Variants in CTNNA2 observed in about 807,000 individuals in gnomAD.
The protein encoded by CTNNA2 is catenin alpha-2.
A neutral mutation model predicts 101.0 loss-of-function variants in CTNNA2; 42 were observed. That is an observed-to-expected ratio of 0.42 (90% CI 0.32 to 0.54). The LOEUF (loss-of-function observed/expected upper bound fraction) is 0.54, where lower values mean the gene tolerates loss of function less well. Among genes scored for constraint, CTNNA2 ranks in the 20% least tolerant of loss-of-function variants. CTNNA2 has a pLI of 0.14. For synonymous variants in CTNNA2, 450 were observed against 456.4 expected, an observed-to-expected ratio of 0.99 and a Z score of 0.18; for missense variants, 871 against 1,223.1, an observed-to-expected ratio of 0.71 and a Z score of 4.29.
At chr2:79,291,868 T>C (rs1003661790) in intron 2 of CTNNA2, among the ~76,000 whole-genome samples, 2 of 152,206 alleles carry the variant, frequency 1.3e-5, no homozygotes, top group African/African-American at 4.8e-5. Flanking sequence ...TGCATTTCCA[T>C]GGTTTCTATT....
intron 2 of CTNNA2, among the ~76,000 whole-genome samples, chr2:79,266,506 C>A (rs918246233): frequency 1.5e-4 from 23 of 152,272 alleles, no homozygotes; most frequent in African/African-American, 5.1e-4. Flanking sequence ...ACACCTGACT[C>A]AAATATTTCT....
At chr2:79,292,710 G>C (rs1235209659) in intron 2 of CTNNA2, among the ~76,000 whole-genome samples, 3 of 152,142 alleles carry the variant, frequency 2.0e-5, no homozygotes, top group African/African-American at 7.2e-5. Context: ...TATGAATTTG[G>C]GATGGAATTA....
intron 7 of CTNNA2, among the ~76,000 whole-genome samples, chr2:80,368,834 T>C (rs1469839601): frequency 7.3e-6 from 1 of 137,620 alleles, no homozygotes; most frequent in African/African-American, 3.2e-5. Flanking sequence ...TATATATATG[T>C]GTGTGTGTAT....
At chr2:80,127,815 G>T (rs1005893929) in intron 7 of CTNNA2, among the ~76,000 whole-genome samples, 1 of 152,134 alleles carries the variant, frequency 6.6e-6, no homozygotes, top group Non-Finnish European at 1.5e-5. Flanking sequence ...ATCAATTAGT[G>T]TAGGATTTGC....
chr2:79,731,838 GTT>G (rs34010351), intron 2 of CTNNA2, among the ~76,000 whole-genome samples: 28,186 of 149,306 alleles, frequency 0.19, 4,665 homozygotes, highest in African/African-American at 0.45. Flanking sequence ...CTTTATTTTT[GTT>G]TTTTTTTTTT....
intron 8 of CTNNA2, among the ~76,000 whole-genome samples, chr2:80,415,834 T>C (rs1679988817): frequency 6.6e-6 from 1 of 152,146 alleles, no homozygotes; most frequent in South Asian, 2.1e-4. Context: ...TAAATAGATA[T>C]ATACACAATG....
At chr2:80,269,072 G>C (rs1673239282) in intron 7 of CTNNA2, among the ~76,000 whole-genome samples, 1 of 152,162 alleles carries the variant, frequency 6.6e-6, no homozygotes, top group African/African-American at 2.4e-5. Flanking sequence ...TAAAGTCAAG[G>C]CTTAACAAAT....
chr2:79,691,530 A>C (rs192528625), intron 2 of CTNNA2, among the ~76,000 whole-genome samples: 142 of 152,244 alleles, frequency 9.3e-4, no homozygotes, highest in African/African-American at 3.2e-3. Flanking sequence ...ACTACTTTAA[A>C]ATTCATACGG....
intron 1 of CTNNA2, among the ~76,000 whole-genome samples, chr2:79,531,820 T>A (rs1344383306): frequency 6.6e-6 from 1 of 151,980 alleles, no homozygotes; most frequent in Non-Finnish European, 1.5e-5. Flanking sequence ...TTGCTGGGAT[T>A]ACAGGCGCGT....
intron 2 of CTNNA2, among the ~76,000 whole-genome samples, chr2:79,265,164 A>G (rs1422334973): frequency 6.6e-6 from 1 of 152,218 alleles, no homozygotes; most frequent in Non-Finnish European, 1.5e-5. Flanking sequence ...CTCTGCCTCA[A>G]ATTGCCGGTT....
At chr2:80,580,297 T>A (rs928509824) in intron 13 of CTNNA2, among the ~76,000 whole-genome samples, 3 of 152,210 alleles carry the variant, frequency 2.0e-5, no homozygotes, top group Non-Finnish European at 2.9e-5. Context: ...GGTGTTTTGT[T>A]CCTGGGCTTA....
intron 1 of CTNNA2, among the ~76,000 whole-genome samples, chr2:79,600,677 T>G (rs1269286245): frequency 6.6e-6 from 1 of 152,210 alleles, no homozygotes; most frequent in Non-Finnish European, 1.5e-5. Flanking sequence ...GTATGTGTCT[T>G]AGTTTGGGCT....
chr2:79,749,345 T>C (rs1328408354), intron 3 of CTNNA2, among the ~76,000 whole-genome samples: 6 of 152,190 alleles, frequency 3.9e-5, no homozygotes. Context: ...ATAGCATTTA[T>C]ATTTAAAAGA....
At chr2:80,031,889 C>T (rs1695313149) in intron 7 of CTNNA2, among the ~76,000 whole-genome samples, 1 of 152,120 alleles carries the variant, frequency 6.6e-6, no homozygotes, top group South Asian at 2.1e-4. Context: ...AATATGCAGA[C>T]AACAACGATT....
intron 7 of CTNNA2, among the ~76,000 whole-genome samples, chr2:79,945,434 A>T (rs534470539): frequency 1.3e-5 from 2 of 152,306 alleles, no homozygotes; most frequent in South Asian, 4.1e-4. Flanking sequence ...AAAGACTACT[A>T]TATCTCATCA....
intron 7 of CTNNA2, among the ~76,000 whole-genome samples, chr2:80,007,239 A>G (rs1693436508): frequency 6.6e-6 from 1 of 152,188 alleles, no homozygotes; most frequent in Non-Finnish European, 1.5e-5. Flanking sequence ...TATGATATAC[A>G]TATAGTCTAA....
At chr2:79,693,335 C>G (rs1335713979) in intron 2 of CTNNA2, among the ~76,000 whole-genome samples, 1 of 151,848 alleles carries the variant, frequency 6.6e-6, no homozygotes, top group Non-Finnish European at 1.5e-5. Context: ...GAAAATTTTT[C>G]AAAACTATGG....
At chr2:79,571,936 C>T (rs1675483339) in intron 1 of CTNNA2, among the ~76,000 whole-genome samples, 1 of 152,120 alleles carries the variant, frequency 6.6e-6, no homozygotes, top group South Asian at 2.1e-4. Context: ...TTTTTGGTAG[C>T]TGCCTGCAGA....
At chr2:79,508,982 T>C (rs1451312033), upstream of CTNNA2, among the ~76,000 whole-genome samples, 1 of 39,636 alleles carries the variant, frequency 2.5e-5, no homozygotes, top group Admixed American at 2.1e-4. Flanking sequence ...TATATATATA[T>C]ATATATATAT....
Sources: gnomAD v4.1 joint callset for allele counts (sites outside exome capture counted in the v4.1 genomes callset) on GRCh38, gnomAD v4.1.1 for gene constraint, MANE v1.5 for transcripts, NCBI Gene and HGNC (gene_info 2026-07-23, HGNC 2026-07-21) for gene names.